FAM120A: variants seen among roughly 807,000 people sequenced by gnomAD.
FAM120A encodes the protein constitutive coactivator of PPAR-gamma-like protein 1.
Under a neutral mutation model 109.7 loss-of-function variants are expected in FAM120A, and 15 were observed. The ratio of observed to expected loss-of-function variants is 0.14; its 90% CI spans 0.09 to 0.21. The LOEUF is 0.21. FAM120A is among the 10% of genes least tolerant of loss of function. The pLI, the probability that FAM120A is intolerant of heterozygous loss-of-function variation, is 1.00. For synonymous variants in FAM120A, 493 were observed against 572.8 expected, an observed-to-expected ratio of 0.86 and a Z score of 1.99; for missense variants, 899 against 1,439.3, an observed-to-expected ratio of 0.62 and a Z score of 6.07.
rs536759215 is a variant in FAM120A at position 93,454,338 on chromosome 9, G to C, written c.474+1949G>C. On this transcript the variant is annotated intron_variant, in intron 1 of 17. Coordinates refer to ENST00000277165, the MANE Select transcript of FAM120A (RefSeq NM_014612.5). Reference sequence around the variant, plus strand: ...GCTGGCAACCTTACCTTTTTGAAAAGTGCCTAAGAGATTTAGCTACTAGAA... The same window carrying C: ...GCTGGCAACCTTACCTTTTTGAAAACTGCCTAAGAGATTTAGCTACTAGAA... Among the ~76,000 whole-genome samples the C allele has an allele frequency of 2.6e-5, 4 of 152,260 alleles. No homozygotes were observed. The South Asian group carries it at 8.3e-4, about 32-fold the overall frequency.
In FAM120A at chr9:93,527,548, G is replaced by A. The variant is rs940781103; in HGVS notation, c.1506+306G>A. On this transcript the variant is annotated intron_variant, in intron 8 of 17. Transcript: ENST00000277165. ...TGAAAATTCACTGAAAAGGCACCGG[G>A]GATGCTAAATTTAACTCCCCCACCC... 2.6e-5 allele frequency among the ~76,000 whole-genome samples: 4 copies of A among 151,234 alleles called. No individual in the cohort carries two copies. The East Asian group carries it at 7.7e-4, about 29-fold the overall frequency.
Position 93,486,535 on chromosome 9 carries a change from CT to C in FAM120A, c.804+10211del, listed in dbSNP as rs139344165. Among the ~76,000 whole-genome samples the C allele has an allele frequency of 2.0e-3, 282 of 138,484 alleles. 1 individual carries two copies. Among genetic ancestry groups the C allele is most frequent in the South Asian group, 4.6e-3 (20 of 4,364 alleles). 90.9% of individuals were successfully genotyped at this position (138,484 alleles called of 152,430 possible). A position where few individuals can be genotyped will look rare whatever the true frequency, so the allele number is the denominator to read the frequency against. ...TTTCTTTCTTTTTCTTTTCTTTTTT[CT>C]TTTTTTTTTTTTTGAGACTCACTTT... On this transcript the variant is annotated intron_variant, in intron 3 of 17. Transcript: ENST00000277165.
At chr9:93,510,042 C>G (rs928961032) in intron 5 of FAM120A, among the ~76,000 whole-genome samples, 1 of 152,014 alleles carries the variant, frequency 6.6e-6, no homozygotes, top group Non-Finnish European at 1.5e-5. Context: ...GATGTTAAGC[C>G]CCGGAGGCTG....
chr9:93,504,684 A>C (rs978035646), intron 5 of FAM120A, among the ~76,000 whole-genome samples: 1 of 152,058 alleles, frequency 6.6e-6, no homozygotes, highest in African/African-American at 2.4e-5. Flanking sequence ...ATATTTGTCC[A>C]TTCTACTGTT....
chr9:93,549,610 A>T (rs1470503083), intron 11 of FAM120A, among the ~76,000 whole-genome samples: 1 of 152,262 alleles, frequency 6.6e-6, no homozygotes, highest in East Asian at 1.9e-4. Flanking sequence ...TTAAGCACTG[A>T]GCAAACTTAC....
intron 1 of FAM120A, among the ~76,000 whole-genome samples, chr9:93,460,397 A>G (rs994823296): frequency 6.6e-6 from 1 of 152,130 alleles, no homozygotes; most frequent in Non-Finnish European, 1.5e-5. Flanking sequence ...CCTGGAGTGC[A>G]GTGACACAAT....
chr9:93,463,012 G>A (rs1045185610), intron 1 of FAM120A, among the ~76,000 whole-genome samples: 1 of 151,948 alleles, frequency 6.6e-6, no homozygotes, highest in Non-Finnish European at 1.5e-5. Flanking sequence ...ACATCTCTTC[G>A]GACCCATTTT....
intron 12 of FAM120A, among the ~76,000 whole-genome samples, chr9:93,555,566 C>T (rs1052419556): frequency 6.6e-6 from 1 of 152,196 alleles, no homozygotes; most frequent in African/African-American, 2.4e-5. Context: ...AAACTTTGAT[C>T]CTGGATAATC....
chr9:93,496,298 T>G (rs1859572406), intron 3 of FAM120A, among the ~76,000 whole-genome samples: 1 of 152,254 alleles, frequency 6.6e-6, no homozygotes, highest in South Asian at 2.1e-4. Context: ...ACTAGAGTAG[T>G]GAATTCTGTC....
intron 1 of FAM120A, among the ~76,000 whole-genome samples, chr9:93,459,342 A>C (rs1178524372): frequency 2.0e-5 from 3 of 152,244 alleles, no homozygotes; most frequent in African/African-American, 7.2e-5. Flanking sequence ...TATTTGCTGC[A>C]TTCCATTATA....
rs573536926 is a variant in FAM120A at position 93,529,291 on chromosome 9, C to T, written c.1507-62C>T. 8.2e-5 allele frequency: 118 copies of T among 1,442,276 alleles called. No homozygotes were observed. In the Admixed American group the frequency reaches 1.3e-3, roughly 15 times the overall value. 89.3% of individuals were successfully genotyped at this position (1,442,276 alleles called of 1,614,324 possible). On this transcript the variant is annotated intron_variant, in intron 8 of 17. Coordinates refer to ENST00000277165, the MANE Select transcript of FAM120A (RefSeq NM_014612.5). ...GTCAGGTGAACAGGCACCTACCATA[C>T]TTTAAATGAATGAAAACATGACATA...
intron 3 of FAM120A, among the ~76,000 whole-genome samples, chr9:93,488,183 A>G (rs1215518052): frequency 6.6e-6 from 1 of 152,126 alleles, no homozygotes; most frequent in Non-Finnish European, 1.5e-5. Flanking sequence ...CTTGGCCCTC[A>G]GTTGTAAATA....
chr9:93,562,637 GTTTCTTTTTTTTTCTTTCTTTCTT>G, intron 17 of FAM120A, among the ~76,000 whole-genome samples: 1 of 148,970 alleles, frequency 6.7e-6, no homozygotes, highest in African/African-American at 2.5e-5. Context: ...GCCACTTGTA[GTTTCTTTTTTTTTCTTTCTTTCTT>G]TTTCTTTTTT....
rs954477807 is a variant in FAM120A at position 93,451,863 on chromosome 9, C to T, written c.-53C>T. 8 of 1,054,022 alleles carry T rather than the reference C, an allele frequency of 7.6e-6. No homozygotes were observed. Among genetic ancestry groups the T allele is most frequent in the Non-Finnish European group, 9.2e-6 (8 of 873,894 alleles). The allele number at this position is 1,054,022 out of a possible 1,614,324, so 65.3% of individuals were successfully genotyped here. A position where few individuals can be genotyped will look rare whatever the true frequency, so the allele number is the denominator to read the frequency against. On this transcript the variant is annotated 5_prime_UTR_variant, in exon 1 of 18. Transcript: ENST00000277165. ...CGCCCGCGCGCCACGGCCCCACCAC[C>T]CCCGGCCCCGCCGCCCCCCGCCCGC... is the stretch of plus-strand genomic sequence containing the variant.
Position 93,532,622 on chromosome 9 carries a change from A to C in FAM120A, c.1909+293A>C. On this transcript the variant is annotated intron_variant, in intron 10 of 17. Transcript: ENST00000277165. The surrounding 1 kb of genome is among the most constrained non-coding windows in gnomAD (Gnocchi z 4.3). ...CTGAAAGCAGACTTGAATTGCCGCC[A>C]CTCTCTGTAATTACCACGTCTTGGT... is the stretch of plus-strand genomic sequence containing the variant. The C allele has an allele frequency of 2.7e-6, 1 of 363,984 alleles. No homozygotes were observed. The highest frequency in any genetic ancestry group is 5.2e-6 in the Non-Finnish European group (1 of 193,094). 22.5% of individuals were successfully genotyped at this position (363,984 alleles called of 1,614,324 possible).
chr9:93,453,644 T>A (rs1381931880), intron 1 of FAM120A: 1 of 985,174 alleles, frequency 1.0e-6, no homozygotes, highest in Admixed American at 6.2e-5. Context: ...GTTTAAGTCG[T>A]GGGTGGAGGC....
Position 93,557,851 on chromosome 9 carries a change from A to C in FAM120A, c.2509A>C (p.Lys837Gln). Reference sequence around the variant, plus strand: ...GGCTGATCAGGCTGCCAAGGTAGAGAAGATGCGCCAGAGCGTCCTCGAGGG... The same window carrying C: ...GGCTGATCAGGCTGCCAAGGTAGAGCAGATGCGCCAGAGCGTCCTCGAGGG... The part of the protein sequence containing the change: ...GQADQAAKVE[K>Q]MRQSVLEGLS... The change falls in exon 14 of 18, where the codon AAG becomes CAG. Residue 837 changes from lysine to glutamine, a missense_variant. This residue lies in a region of FAM120A where 129 missense variants were observed against 153.4 expected (regional missense o/e 0.84). Coordinates refer to ENST00000277165, the MANE Select transcript of FAM120A (RefSeq NM_014612.5). The C allele has an allele frequency of 1.9e-6, 3 of 1,613,932 alleles. No individual in the cohort carries two copies. The highest frequency in any genetic ancestry group is 2.5e-6 in the Non-Finnish European group (3 of 1,179,976).
At chr9:93,528,858 A>T (rs1346229366) in intron 8 of FAM120A, among the ~76,000 whole-genome samples, 2 of 149,502 alleles carry the variant, frequency 1.3e-5, no homozygotes, top group Non-Finnish European at 2.9e-5. Context: ...TCAGCCCTGG[A>T]TTAGAATTCC....
intron 1 of FAM120A, among the ~76,000 whole-genome samples, chr9:93,456,376 A>G (rs1021487493): frequency 1.3e-5 from 2 of 152,222 alleles, no homozygotes; most frequent in Admixed American, 6.5e-5. Flanking sequence ...TTCCATTGGA[A>G]TTTTGTTAAA....
Sources: allele counts gnomAD v4.1 joint callset (sites outside exome capture counted in the v4.1 genomes callset), GRCh38; gene constraint gnomAD v4.1.1; regional missense constraint gnomAD v4.1.1; non-coding constraint Gnocchi (gnomAD v3.1); transcripts MANE v1.5; gene names NCBI Gene and HGNC (gene_info 2026-07-23, HGNC 2026-07-21).